The following SLC10A6 variants were observed in gnomAD, a reference collection of about 807,000 sequenced individuals.
The protein encoded by SLC10A6 is solute carrier family 10 member 6.
A neutral mutation model predicts 30.0 loss-of-function variants in SLC10A6; 27 were observed. The observed-to-expected ratio is 0.90, with a 90% CI of 0.66 to 1.24. The LOEUF (loss-of-function observed/expected upper bound fraction) is 1.24, where lower values mean the gene tolerates loss of function less well. Among genes scored for constraint, SLC10A6 ranks in the 50% most tolerant of loss-of-function variants. The pLI, the probability that SLC10A6 is intolerant of heterozygous loss-of-function variation, is 0.00. For missense variants in SLC10A6, 439 were observed against 457.0 expected (o/e 0.96, Z 0.36); for synonymous variants, 166 against 173.8 (o/e 0.95, Z 0.36).
chr4:86,825,257 C>T lies in SLC10A6; in HGVS notation c.919+163G>A, dbSNP rs58358403. Among the ~76,000 whole-genome samples, 947 of 152,294 alleles carry T rather than the reference C, an allele frequency of 6.2e-3. 11 individuals are homozygous for T. Among genetic ancestry groups the T allele is most frequent in the African/African-American group, 0.022 (904 of 41,556 alleles). ...TTTCTGTGAAACTCCCACTTGTGCG[C>T]CAAACTATCCTGTCTATGTGCCTTA... On this transcript the variant is annotated intron_variant, in intron 5 of 5. Coordinates refer to ENST00000273905, the MANE Select transcript of SLC10A6 (RefSeq NM_197965.3).
chr4:86,827,741 G>A (rs559953436), intron 4 of SLC10A6, among the ~76,000 whole-genome samples: 14 of 152,052 alleles, frequency 9.2e-5, no homozygotes, highest in Admixed American at 6.6e-5. Flanking sequence ...AAATCATGTC[G>A]TTTTCTATTC....
At chr4:86,825,303 C>T in intron 5 of SLC10A6, 117 bp downstream of exon 5, 2 of 926,364 alleles carry the variant, frequency 2.2e-6, no homozygotes, top group South Asian at 4.8e-5. Flanking sequence ...AAATGTCAGG[C>T]TTTCAAAAAG....
At chr4:86,843,222 G>GTCATTCAC (rs1212862912) in intron 1 of SLC10A6, among the ~76,000 whole-genome samples, 9 of 152,010 alleles carry the variant, frequency 5.9e-5, no homozygotes, top group Admixed American at 3.9e-4. Flanking sequence ...ATCGGAAACT[G>GTCATTCAC]TCATTCACTC....
At chr4:86,825,608 G>T (rs1028782576) in intron 4 of SLC10A6, 31 bp from the exon 5 acceptor site, 2 of 1,556,142 alleles carry the variant, frequency 1.3e-6, no homozygotes, top group South Asian at 1.2e-5. Flanking sequence ...CAAGAGTAAC[G>T]CACTAGCAAT....
chr4:86,837,225 G>GAAAGAAAGAAAGA (rs1553899171), intron 1 of SLC10A6, among the ~76,000 whole-genome samples: 1 of 39,120 alleles, frequency 2.6e-5, no homozygotes, highest in Non-Finnish European at 4.6e-5. Context: ...GAGAGAGAGA[G>GAAAGAAAGAAAGA]AGAAAGAAAG....
intron 1 of SLC10A6, among the ~76,000 whole-genome samples, chr4:86,845,272 C>T (rs1386400436): frequency 6.6e-6 from 1 of 152,150 alleles, no homozygotes; most frequent in African/African-American, 2.4e-5. Context: ...GCACTGCAGA[C>T]TGTGGGAACA....
intron 1 of SLC10A6, among the ~76,000 whole-genome samples, chr4:86,835,728 GAAGAAAGAAAGA>G (rs61441755): frequency 6.8e-6 from 1 of 147,044 alleles, no homozygotes; most frequent in Admixed American, 6.9e-5. Context: ...AAGAAAAGGA[GAAGAAAGAAAGA>G]AAGAAAGAGA....
intron 1 of SLC10A6, 72 bp from the exon 2 acceptor site, chr4:86,833,496 A>C (rs1746124375): frequency 1.1e-5 from 12 of 1,077,404 alleles, no homozygotes; most frequent in Non-Finnish European, 1.7e-5. Context: ...ACCAAAAGCA[A>C]CTCCTAGGAC....
intron 3 of SLC10A6, among the ~76,000 whole-genome samples, chr4:86,830,460 G>T (rs972416970): frequency 2.0e-5 from 3 of 152,138 alleles, no homozygotes. Flanking sequence ...CATGAGTACA[G>T]CTAAAAAAGG....
At chr4:86,825,083 G>A (rs1408346609) in intron 5 of SLC10A6, among the ~76,000 whole-genome samples, 1 of 152,198 alleles carries the variant, frequency 6.6e-6, no homozygotes, top group Non-Finnish European at 1.5e-5. Context: ...CAACGCTTAA[G>A]TGCAGCAAAT....
intron 1 of SLC10A6, among the ~76,000 whole-genome samples, chr4:86,843,021 A>T (rs934873062): frequency 1.3e-5 from 2 of 151,532 alleles, no homozygotes; most frequent in Admixed American, 1.3e-4. Flanking sequence ...ACAGGCATGC[A>T]TCACCACACC....
chr4:86,823,525 G>C lies in SLC10A6; in HGVS notation c.*163C>G. The C allele has an allele frequency of 1.7e-6, 1 of 592,250 alleles. No individual in the cohort carries two copies. Among genetic ancestry groups the C allele is most frequent in the South Asian group, 2.9e-5 (1 of 34,504 alleles). The allele number at this position is 592,250 out of a possible 1,614,324, so 36.7% of individuals were successfully genotyped here. A position where few individuals can be genotyped will look rare whatever the true frequency, so the allele number is the denominator to read the frequency against. On this transcript the variant is annotated 3_prime_UTR_variant, in exon 6 of 6. Transcript: ENST00000273905. ...CTCCCTGAAATGGGAATCTCCAAAA[G>C]TGATCCCATCACAATTCACAATCCA...
intron 1 of SLC10A6, among the ~76,000 whole-genome samples, chr4:86,848,096 G>C (rs531335414): frequency 6.6e-6 from 1 of 152,304 alleles, no homozygotes; most frequent in East Asian, 1.9e-4. Context: ...CTGGCTTAAA[G>C]GGAAGGAATG....
At chr4:86,844,394 A>T (rs1376333518) in intron 1 of SLC10A6, among the ~76,000 whole-genome samples, 1 of 152,156 alleles carries the variant, frequency 6.6e-6, no homozygotes, top group Admixed American at 6.5e-5. Flanking sequence ...ATTGGGGAAA[A>T]AAATGCCCCC....
intron 3 of SLC10A6, 95 bp from the exon 4 acceptor site, chr4:86,828,263 A>G: frequency 7.5e-7 from 1 of 1,340,592 alleles, no homozygotes; most frequent in Admixed American, 2.6e-5. Context: ...GGGATCTAGA[A>G]ATTTTAGAAC....
Position 86,833,390 on chromosome 4 carries a change from G to T in SLC10A6, c.412C>A (p.Leu138Met), listed in dbSNP as rs759472191. 22 of 1,613,828 alleles carry T rather than the reference G, an allele frequency of 1.4e-5. No homozygotes were observed. Among genetic ancestry groups the T allele is most frequent in the Non-Finnish European group, 1.9e-5 (22 of 1,179,930 alleles). The change falls in exon 2 of 6, where the codon CTG becomes ATG. Residue 138 changes from leucine (L) to methionine (M), a missense_variant. Leu to Met is a conservative substitution (Grantham distance 15). Transcript: ENST00000273905. ...SMTTCSTVAA[L>M]GMMPLCIYLY... ...TAAATGCAGAGTGGCATCATTCCCA[G>T]GGCGGCCACGGTGGAACAGGTTGTC...
At chr4:86,837,792 T>C (rs1746226151) in intron 1 of SLC10A6, 1 of 221,346 alleles carries the variant, frequency 4.5e-6, no homozygotes, top group Non-Finnish European at 7.6e-6. Context: ...ACACAATCTG[T>C]TTAAGCATGT....
At chr4:86,825,380 T>C (rs760500028) in intron 5 of SLC10A6, 40 bp downstream of exon 5, 20 of 1,546,614 alleles carry the variant, frequency 1.3e-5, no homozygotes, top group Admixed American at 3.5e-5. Context: ...GGTGAACAAT[T>C]TCCCGTCAGT....
intron 4 of SLC10A6, among the ~76,000 whole-genome samples, chr4:86,827,518 C>G (rs574648956): frequency 6.6e-6 from 1 of 152,296 alleles, no homozygotes; most frequent in South Asian, 2.1e-4. Flanking sequence ...AATTCAACTG[C>G]ATAGTTTACT....
Sources: allele counts gnomAD v4.1 joint callset (sites outside exome capture counted in the v4.1 genomes callset), GRCh38; gene constraint gnomAD v4.1.1; transcripts MANE v1.5; gene names NCBI Gene and HGNC (gene_info 2026-07-23, HGNC 2026-07-21).